The following REPS2 variants were observed in gnomAD, a reference collection of about 807,000 sequenced individuals.
REPS2 encodes the protein ralBP1-associated Eps domain-containing protein 2.
In REPS2, 23 loss-of-function variants were observed where a neutral mutation model predicts 53.6. The observed-to-expected ratio is 0.43, with a 90% CI of 0.31 to 0.61. The LOEUF (loss-of-function observed/expected upper bound fraction) is 0.61, where lower values mean the gene tolerates loss of function less well. REPS2 is among the 20% of genes least tolerant of loss of function. REPS2 has a pLI of 0.11. For missense variants in REPS2, 446 were observed against 534.9 expected, an observed-to-expected ratio of 0.83 and a Z score of 1.64; for synonymous variants, 238 against 218.6, an observed-to-expected ratio of 1.09 and a Z score of -0.78.
the REPS2 span, among the ~76,000 whole-genome samples, chrX:17,171,591 C>T: frequency 1.8e-5 from 2 of 111,534 alleles, no homozygotes; most frequent in Admixed American, 9.5e-5. Context: ...GTGATCACAG[C>T]TCACTGCAGC....
intron 8 of REPS2, among the ~76,000 whole-genome samples, chrX:17,060,303 AAAAAT>A (rs766088723): frequency 1.8e-3 from 200 of 111,400 alleles, no homozygotes; most frequent in African/African-American, 6.0e-3. Flanking sequence ...ATTCCATTTC[AAAAAT>A]AAAATAAAAT....
At chrX:17,140,007 A>T (rs772720319) in intron 17 of REPS2, among the ~76,000 whole-genome samples, 2 of 111,839 alleles carry the variant, frequency 1.8e-5, no homozygotes. Flanking sequence ...TATATCCCCC[A>T]GTTCTCTACT....
chrX:17,011,645 G>A (rs2061430863), intron 2 of REPS2, among the ~76,000 whole-genome samples: 1 of 112,493 alleles, frequency 8.9e-6, no homozygotes, highest in Admixed American at 9.4e-5. Context: ...GCCTGGCACA[G>A]TTTCTCATGC....
At chrX:16,955,341 C>A (rs968798768) in intron 1 of REPS2, among the ~76,000 whole-genome samples, 1 of 111,510 alleles carries the variant, frequency 9.0e-6, no homozygotes, top group Non-Finnish European at 1.9e-5. Flanking sequence ...TGGTCACCCC[C>A]TCTCTTGGTT....
intron 14 of REPS2, among the ~76,000 whole-genome samples, chrX:17,124,921 T>C (rs2063188804): frequency 9.5e-6 from 1 of 105,521 alleles, no homozygotes; most frequent in Non-Finnish European, 1.9e-5. Context: ...TGGAGTGCAG[T>C]AGCGAGATTT....
chrX:17,025,527 A>T (rs996053417), intron 4 of REPS2, among the ~76,000 whole-genome samples: 4 of 112,047 alleles, frequency 3.6e-5, no homozygotes, highest in African/African-American at 1.3e-4. Flanking sequence ...CTGTAAGCAC[A>T]CCAAAGATAT....
At chrX:16,998,802 C>G (rs935699875) in intron 1 of REPS2, among the ~76,000 whole-genome samples, 1 of 112,124 alleles carries the variant, frequency 8.9e-6, no homozygotes, top group Non-Finnish European at 1.9e-5. Context: ...CTGCCTCTAC[C>G]TCCACTCCTG....
intron 13 of REPS2, 76 bp downstream of exon 13, chrX:17,077,483 CTG>C: frequency 9.8e-7 from 1 of 1,025,080 alleles, no homozygotes; most frequent in Non-Finnish European, 1.3e-6. Flanking sequence ...ACAGTGGCCT[CTG>C]TGAGTCCGGA....
At chrX:17,063,831 C>T (rs939124193) in intron 9 of REPS2, among the ~76,000 whole-genome samples, 1 of 108,537 alleles carries the variant, frequency 9.2e-6, no homozygotes, top group African/African-American at 3.4e-5. Context: ...GTGTGATGGG[C>T]CCCCTGCTTG....
At chrX:17,132,226 G>C (rs113988884) in intron 14 of REPS2, among the ~76,000 whole-genome samples, 113 of 112,483 alleles carry the variant, frequency 1.0e-3, no homozygotes, top group African/African-American at 3.5e-3. Context: ...CCACAATCTA[G>C]AAACAGAGCA....
chrX:17,069,117 C>T (rs2062267397), intron 10 of REPS2, among the ~76,000 whole-genome samples: 1 of 112,204 alleles, frequency 8.9e-6, no homozygotes, highest in Admixed American at 9.4e-5. Context: ...TGCTCATATA[C>T]TGTCTTATTC....
the REPS2 span, among the ~76,000 whole-genome samples, chrX:17,179,349 T>C: frequency 1.8e-5 from 2 of 111,662 alleles, no homozygotes; most frequent in East Asian, 2.8e-4. Context: ...CTAGATTCTT[T>C]TGAGACACTC....
chrX:16,990,439 G>A (rs2061148536), intron 1 of REPS2, among the ~76,000 whole-genome samples: 1 of 110,345 alleles, frequency 9.1e-6, no homozygotes, highest in Non-Finnish European at 1.9e-5. Flanking sequence ...GTGAAACCCT[G>A]TTTTTACTAA....
At chrX:16,965,413 C>T (rs1448370195) in intron 1 of REPS2, among the ~76,000 whole-genome samples, 1 of 113,302 alleles carries the variant, frequency 8.8e-6, no homozygotes, top group East Asian at 2.8e-4. Flanking sequence ...GGCGGAGACG[C>T]TCCTCACTTC....
chrX:17,047,604 C>T (rs1050564034), intron 6 of REPS2, 122 bp downstream of exon 6: 103 of 889,622 alleles, frequency 1.2e-4, no homozygotes, highest in Non-Finnish European at 1.6e-4. Flanking sequence ...CATCTAAAGT[C>T]GAATTTCTTA....
rs1602791871 is a variant in REPS2, at chrX:17,047,349, C to T, written c.774C>T (p.Ser258=). Residue 258 remains serine, a splice_region_variant and synonymous_variant, in exon 6 of 18, where the codon TCC becomes TCT. Transcript: ENST00000357277. ...PLRHQASLIR[S]FSVERELQDN... is the part of the protein sequence containing the mutation. ...TACTTTTTAATTTATTCTTACAGTC[C>T]TTTTCAGTGGAGAGGGAACTACAGG... 2 of 1,210,243 alleles carry T rather than the reference C, an allele frequency of 1.7e-6. No individual in the cohort carries two copies. Among genetic ancestry groups the T allele is most frequent in the East Asian group, 5.9e-5 (2 of 33,788 alleles).
intron 14 of REPS2, among the ~76,000 whole-genome samples, chrX:17,129,104 T>G (rs1390687251): frequency 9.0e-6 from 1 of 111,679 alleles, no homozygotes; most frequent in African/African-American, 3.3e-5. Context: ...AGCCATATTA[T>G]CGTGTTGGCA....
At chrX:17,158,663 GA>G in the REPS2 span, among the ~76,000 whole-genome samples, 113 of 112,084 alleles carry the variant, frequency 1.0e-3, no homozygotes, top group Non-Finnish European at 1.6e-3. Flanking sequence ...GCAAGCTGAA[GA>G]ACAGTAGAAC....
chrX:16,972,141 A>C (rs1337931032), intron 1 of REPS2, among the ~76,000 whole-genome samples: 3 of 111,873 alleles, frequency 2.7e-5, no homozygotes, highest in Non-Finnish European at 5.6e-5. Context: ...AAAATAGGCT[A>C]GCTTTACATA....
Sources: allele counts gnomAD v4.1 joint callset (sites outside exome capture counted in the v4.1 genomes callset), GRCh38; gene constraint gnomAD v4.1.1; transcripts MANE v1.5; gene names NCBI Gene and HGNC (gene_info 2026-07-23, HGNC 2026-07-21).